ERBB4: variants seen among roughly 807,000 people sequenced by gnomAD.
ERBB4 encodes the protein erb-b2 receptor tyrosine kinase 4, also known as receptor tyrosine-protein kinase erbB-4.
ERBB4 carries 42 observed loss-of-function variants against 158.0 expected under a neutral mutation model. That is an observed-to-expected ratio of 0.27 (90% CI 0.21 to 0.34). The LOEUF (loss-of-function observed/expected upper bound fraction) is 0.34, where lower values mean the gene tolerates loss of function less well. ERBB4 is among the 10% of genes least tolerant of loss of function. The pLI, the probability that ERBB4 is intolerant of heterozygous loss-of-function variation, is 1.00. For synonymous variants in ERBB4, 583 were observed against 558.7 expected, an observed-to-expected ratio of 1.04 and a Z score of -0.61; for missense variants, 1,333 against 1,624.1, an observed-to-expected ratio of 0.82 and a Z score of 3.08.
At chr2:212,008,012 C>T (rs1468270981) in intron 2 of ERBB4, among the ~76,000 whole-genome samples, 2 of 151,962 alleles carry the variant, frequency 1.3e-5, no homozygotes, top group Non-Finnish European at 2.9e-5. Context: ...TGAACAGATG[C>T]ATGAATAAGT....
At chr2:211,682,832 C>A (rs561214575) in intron 12 of ERBB4, among the ~76,000 whole-genome samples, 152 of 151,946 alleles carry the variant, frequency 1.0e-3, no homozygotes, top group Admixed American at 1.6e-3. Flanking sequence ...ATCTGATAAT[C>A]TCTGCCCTTT....
At chr2:212,446,083 T>G (rs915735356) in intron 1 of ERBB4, among the ~76,000 whole-genome samples, 1 of 152,324 alleles carries the variant, frequency 6.6e-6, no homozygotes. Context: ...GCTTTTCCAG[T>G]TGTATGAAGG....
chr2:211,933,753 T>C (rs1226560702), intron 3 of ERBB4, among the ~76,000 whole-genome samples: 1 of 151,956 alleles, frequency 6.6e-6, no homozygotes, highest in Admixed American at 6.6e-5. Context: ...AGTTTCGAAA[T>C]GAGAGAGGGG....
intron 7 of ERBB4, among the ~76,000 whole-genome samples, chr2:211,722,051 C>A (rs1484603466): frequency 6.6e-6 from 1 of 152,016 alleles, no homozygotes; most frequent in Non-Finnish European, 1.5e-5. Flanking sequence ...TCTGTAGAGA[C>A]GGGGTTTCAC....
intron 5 of ERBB4, among the ~76,000 whole-genome samples, chr2:211,736,239 C>G (rs1451987572): frequency 6.6e-6 from 1 of 151,460 alleles, no homozygotes; most frequent in Non-Finnish European, 1.5e-5. Context: ...GTTTTTCAAA[C>G]TTTTGATTTT....
intron 3 of ERBB4, among the ~76,000 whole-genome samples, chr2:211,803,630 GC>G: frequency 6.6e-6 from 1 of 152,274 alleles, no homozygotes; most frequent in African/African-American, 2.4e-5. Flanking sequence ...ATTCAGAGGG[GC>G]CAGAAATGCA....
At chr2:212,377,026 T>A (rs773375534) in intron 1 of ERBB4, among the ~76,000 whole-genome samples, 1 of 151,854 alleles carries the variant, frequency 6.6e-6, no homozygotes, top group Non-Finnish European at 1.5e-5. Flanking sequence ...GAACCTTCAC[T>A]ATATCTTCTC....
intron 20 of ERBB4, among the ~76,000 whole-genome samples, chr2:211,462,935 G>T (rs534275791): frequency 6.6e-6 from 1 of 152,086 alleles, no homozygotes; most frequent in South Asian, 2.1e-4. Context: ...ACACATCTAA[G>T]ACCACAACAA....
intron 4 of ERBB4, among the ~76,000 whole-genome samples, chr2:211,769,869 G>A (rs568773005): frequency 6.6e-6 from 1 of 152,312 alleles, no homozygotes; most frequent in Non-Finnish European, 1.5e-5. Flanking sequence ...ATTAGATGGT[G>A]CCCACCCATA....
intron 20 of ERBB4, among the ~76,000 whole-genome samples, chr2:211,536,273 C>G (rs1295325144): frequency 6.6e-6 from 1 of 152,104 alleles, no homozygotes. Flanking sequence ...TTCCACACCT[C>G]ATTTGTTTAC....
chr2:212,155,861 T>C (rs887383006), intron 1 of ERBB4, among the ~76,000 whole-genome samples: 1 of 152,136 alleles, frequency 6.6e-6, no homozygotes, highest in African/African-American at 2.4e-5. Context: ...AGTTATTAAA[T>C]TTCCTGCTAG....
chr2:211,630,524 C>G lies in ERBB4; in HGVS notation c.2017G>C (p.Val673Leu), dbSNP rs745465497. The change falls in exon 17 of 28, where the codon GTT (valine) becomes CTT (leucine). Residue 673 changes from valine (V) to leucine (L), a missense_variant. Coordinates refer to ENST00000342788, the MANE Select transcript of ERBB4 (RefSeq NM_005235.3). ...ILVIVGLTFAVYVRRKSIKKK... is the reference protein window; with the variant it reads ...ILVIVGLTFALYVRRKSIKKK... ...TTGATGCTCTTCCTTCTAACATAAA[C>G]AGCAAATGTCAGACCCACAATGACC... 1 of 1,613,224 alleles carries G rather than the reference C, an allele frequency of 6.2e-7. No individual in the cohort carries two copies. The highest frequency in any genetic ancestry group is 8.5e-7 in the Non-Finnish European group (1 of 1,179,658).
At chr2:211,771,991 C>T (rs2075702692) in intron 4 of ERBB4, among the ~76,000 whole-genome samples, 2 of 152,110 alleles carry the variant, frequency 1.3e-5, no homozygotes, top group Admixed American at 6.5e-5. Context: ...ACTATATAAA[C>T]CCACAATTAA....
At chr2:211,690,955 G>C (rs375755105) in intron 12 of ERBB4, among the ~76,000 whole-genome samples, 3 of 152,046 alleles carry the variant, frequency 2.0e-5, no homozygotes, top group African/African-American at 7.2e-5. Context: ...TAAAAATTTG[G>C]AGAGATAATA....
intron 1 of ERBB4, among the ~76,000 whole-genome samples, chr2:212,166,174 A>T (rs991755569): frequency 6.6e-6 from 1 of 152,076 alleles, no homozygotes; most frequent in Non-Finnish European, 1.5e-5. Flanking sequence ...AAATAGACAC[A>T]GTCCCTGACC....
chr2:211,711,791 G>A (rs545197914), intron 9 of ERBB4, among the ~76,000 whole-genome samples: 7 of 152,234 alleles, frequency 4.6e-5, no homozygotes, highest in African/African-American at 1.4e-4. Context: ...TGGATTTGAG[G>A]AGGATGTCCT....
rs10174412 is a variant in ERBB4 at position 211,705,691 on chromosome 2, C to T, written c.1125-300G>A. On this transcript the variant is annotated intron_variant, in intron 9 of 27. Coordinates refer to ENST00000342788, the MANE Select transcript of ERBB4 (RefSeq NM_005235.3). Reference sequence around the variant, plus strand: ...GCAAGCTCATGTATGAACCATTTTACATTATTTTGTTTTAAAAGTTTATTC... The same window carrying T: ...GCAAGCTCATGTATGAACCATTTTATATTATTTTGTTTTAAAAGTTTATTC... Among the ~76,000 whole-genome samples the T allele has an allele frequency of 0.28, 42,092 of 152,044 alleles. 6,385 individuals carry two copies. Among genetic ancestry groups the T allele is most frequent in the Non-Finnish European group, 0.34 (23,418 of 67,960 alleles).
intron 1 of ERBB4, among the ~76,000 whole-genome samples, chr2:212,402,429 G>A (rs1384963222): frequency 6.6e-6 from 1 of 152,006 alleles, no homozygotes; most frequent in Non-Finnish European, 1.5e-5. Flanking sequence ...TCCTGACGGT[G>A]GTGGTGAACA....
chr2:212,016,603 T>G (rs17415323), intron 2 of ERBB4, among the ~76,000 whole-genome samples: 3,876 of 152,278 alleles, frequency 0.025, 62 homozygotes, highest in Middle Eastern at 0.041. Context: ...GGTTTTTACT[T>G]GATTTCAACA....
Sources: allele counts gnomAD v4.1 joint callset (sites outside exome capture counted in the v4.1 genomes callset), GRCh38; gene constraint gnomAD v4.1.1; transcripts MANE v1.5; gene names NCBI Gene and HGNC (gene_info 2026-07-23, HGNC 2026-07-21).